The following PTPRD variants were observed in gnomAD, a reference collection of about 807,000 sequenced individuals.
PTPRD encodes receptor-type tyrosine-protein phosphatase delta.
PTPRD carries 34 observed loss-of-function variants against 214.5 expected under a neutral mutation model. The observed-to-expected ratio is 0.16, with a 90% CI of 0.12 to 0.21. The LOEUF (loss-of-function observed/expected upper bound fraction) is 0.21, where lower values mean the gene tolerates loss of function less well. Among genes scored for constraint, PTPRD ranks in the 10% least tolerant of loss-of-function variants. PTPRD has a pLI of 1.00. For synonymous variants in PTPRD, 1,128 were observed against 845.7 expected (o/e 1.33, Z -5.79); for missense variants, 2,545 against 2,398.7 (o/e 1.06, Z -1.27).
chr9:8,350,246 T>C (rs1385055511), intron 39 of PTPRD, among the ~76,000 whole-genome samples: 1 of 152,104 alleles, frequency 6.6e-6, no homozygotes, highest in South Asian at 2.1e-4. Context: ...GCTTTTCTGA[T>C]TAATGTGGTG....
At chr9:8,583,356 T>C (rs919570610) in intron 14 of PTPRD, among the ~76,000 whole-genome samples, 3 of 152,158 alleles carry the variant, frequency 2.0e-5, no homozygotes, top group Non-Finnish European at 4.4e-5. Flanking sequence ...GGATTATTTG[T>C]TTTTAGAGAC....
chr9:9,964,398 AGAGAAT>A (rs1255615003), intron 4 of PTPRD, among the ~76,000 whole-genome samples: 1 of 152,196 alleles, frequency 6.6e-6, no homozygotes, highest in Non-Finnish European at 1.5e-5. Flanking sequence ...AAAAGTTTTG[AGAGAAT>A]GAGAATGTTT....
At chr9:9,811,234 G>C (rs965732508) in intron 5 of PTPRD, among the ~76,000 whole-genome samples, 1 of 152,122 alleles carries the variant, frequency 6.6e-6, no homozygotes, top group African/African-American at 2.4e-5. Flanking sequence ...GTTAGCAAGA[G>C]ATTGAGTCTA....
chr9:8,371,739 T>C (rs12006299), intron 39 of PTPRD, among the ~76,000 whole-genome samples: 7,132 of 152,128 alleles, frequency 0.047, 423 homozygotes, highest in African/African-American at 0.14. Flanking sequence ...ACCTCTGCAA[T>C]ACAAATAGAA....
intron 3 of PTPRD, among the ~76,000 whole-genome samples, chr9:10,048,671 G>T (rs548302976): frequency 2.6e-5 from 4 of 151,930 alleles, no homozygotes; most frequent in Non-Finnish European, 5.9e-5. Context: ...AGCATGCAAG[G>T]CAAGGAAAGT....
chr9:10,018,282 G>C (rs1223580696), intron 4 of PTPRD, among the ~76,000 whole-genome samples: 1 of 151,908 alleles, frequency 6.6e-6, no homozygotes, highest in Non-Finnish European at 1.5e-5. Flanking sequence ...TTTTGATTGG[G>C]ATTTTTCCCT....
chr9:8,523,488 G>C, intron 19 of PTPRD, 25 bp downstream of exon 19: 1 of 1,611,528 alleles, frequency 6.2e-7, no homozygotes, highest in Non-Finnish European at 8.5e-7. Context: ...TTGTAAGGTG[G>C]GTAAAAAGTA....
intron 7 of PTPRD, among the ~76,000 whole-genome samples, chr9:9,629,777 A>G (rs2154358629): frequency 6.6e-6 from 1 of 152,324 alleles, no homozygotes; most frequent in Admixed American, 6.5e-5. Flanking sequence ...AAACCGCTAG[A>G]GACAGGTGAT....
intron 12 of PTPRD, among the ~76,000 whole-genome samples, chr9:8,653,240 T>C (rs955383839): frequency 3.9e-5 from 6 of 152,110 alleles, no homozygotes; most frequent in Admixed American, 6.6e-5. Flanking sequence ...TATTAGTTAC[T>C]CCAATTCGCT....
chr9:10,288,953 T>C (rs193198942), intron 3 of PTPRD, among the ~76,000 whole-genome samples: 3 of 152,068 alleles, frequency 2.0e-5, no homozygotes, highest in Admixed American at 2.0e-4. Flanking sequence ...AATAAGGCAC[T>C]CAGTTGGGAG....
At chr9:9,038,708 C>A (rs558972443) in intron 10 of PTPRD, among the ~76,000 whole-genome samples, 2 of 152,114 alleles carry the variant, frequency 1.3e-5, no homozygotes, top group East Asian at 3.9e-4. Context: ...ATGCCTACCA[C>A]CACGCCCAGC....
chr9:9,697,060 T>G (rs550988002), intron 7 of PTPRD, among the ~76,000 whole-genome samples: 2 of 152,248 alleles, frequency 1.3e-5, no homozygotes, highest in Admixed American at 6.5e-5. Flanking sequence ...AAAGGAATAG[T>G]TAAAACAAAT....
At chr9:9,269,064 T>A (rs1448186743) in intron 9 of PTPRD, among the ~76,000 whole-genome samples, 1 of 149,606 alleles carries the variant, frequency 6.7e-6, no homozygotes, top group East Asian at 2.0e-4. Context: ...ATCAACAACA[T>A]GAAAAGGAAA....
intron 12 of PTPRD, among the ~76,000 whole-genome samples, chr9:8,710,751 T>A (rs1385993613): frequency 1.3e-5 from 2 of 152,230 alleles, no homozygotes; most frequent in African/African-American, 2.4e-5. Context: ...ATAATTAGTA[T>A]AATCTAAATA....
intron 11 of PTPRD, among the ~76,000 whole-genome samples, chr9:8,988,967 C>A (rs569203451): frequency 2.6e-5 from 4 of 152,152 alleles, no homozygotes; most frequent in African/African-American, 9.6e-5. Context: ...TTATTCTTTA[C>A]TATACAAATG....
At chr9:10,271,534 C>CTTTTTTTTTT (rs1251429330) in intron 3 of PTPRD, among the ~76,000 whole-genome samples, 1 of 86,570 alleles carries the variant, frequency 1.2e-5, no homozygotes, top group Admixed American at 1.4e-4. Context: ...TCAATTGTTT[C>CTTTTTTTTTT]TTTTCTTTTC....
intron 2 of PTPRD, among the ~76,000 whole-genome samples, chr9:10,555,063 T>C (rs905396225): frequency 1.1e-4 from 16 of 152,228 alleles, no homozygotes; most frequent in African/African-American, 3.9e-4. Flanking sequence ...GAAATTGTTA[T>C]AATTTATTTG....
intron 11 of PTPRD, among the ~76,000 whole-genome samples, chr9:8,843,543 A>C (rs570954611): frequency 6.6e-6 from 1 of 152,306 alleles, no homozygotes; most frequent in East Asian, 1.9e-4. Context: ...GCCACTAGCT[A>C]CATGTGGTTA....
At chr9:8,545,040 G>C (rs140532591) in intron 14 of PTPRD, among the ~76,000 whole-genome samples, 2 of 151,862 alleles carry the variant, frequency 1.3e-5, no homozygotes, top group Non-Finnish European at 2.9e-5. Flanking sequence ...TTCTTAATAT[G>C]ACAGAGACTT....
Sources: allele counts gnomAD v4.1 joint callset (sites outside exome capture counted in the v4.1 genomes callset), GRCh38; gene constraint gnomAD v4.1.1; transcripts MANE v1.5; gene names NCBI Gene and HGNC (gene_info 2026-07-23, HGNC 2026-07-21).